The following USH2A variants were observed in gnomAD, a reference collection of about 807,000 sequenced individuals.
USH2A encodes the protein Usher syndrome 2A (autosomal recessive, mild).
A neutral mutation model predicts 538.9 loss-of-function variants in USH2A; 443 were observed. That is an observed-to-expected ratio of 0.82 (90% CI 0.76 to 0.89). The LOEUF is 0.89. Ranked by LOEUF, USH2A falls within the 40% of genes least tolerant of loss-of-function variation. USH2A has a pLI of 0.00. For missense variants in USH2A, 6,633 were observed against 6,324.8 expected, an observed-to-expected ratio of 1.05 and a Z score of -1.65; for synonymous variants, 2,413 against 2,273.5, an observed-to-expected ratio of 1.06 and a Z score of -1.75.
intron 14 of USH2A, among the ~76,000 whole-genome samples, chr1:216,222,530 T>C (rs2035476361): frequency 6.6e-6 from 1 of 152,182 alleles, no homozygotes; most frequent in South Asian, 2.1e-4. Flanking sequence ...ATGGGGAGAT[T>C]ATCCTGGATT....
chr1:216,115,029 T>C (rs1274454375), intron 21 of USH2A, among the ~76,000 whole-genome samples: 1 of 152,182 alleles, frequency 6.6e-6, no homozygotes, highest in Admixed American at 6.5e-5. Context: ...TCTATCTATG[T>C]AGATATAGGC....
intron 22 of USH2A, among the ~76,000 whole-genome samples, chr1:216,090,079 AC>A (rs2032259188): frequency 6.6e-6 from 1 of 152,062 alleles, no homozygotes. Flanking sequence ...GATTTACTTA[AC>A]AAGAATAAAG....
Position 216,120,327 on chromosome 1 carries a change from G to T in USH2A, c.4628-23114C>A, listed in dbSNP as rs528571467. Among the ~76,000 whole-genome samples, 24 of 151,006 alleles carry T rather than the reference G, an allele frequency of 1.6e-4. No homozygotes were observed. In the East Asian group the frequency reaches 4.6e-3, roughly 29 times the overall value. On this transcript the variant is annotated intron_variant, in intron 21 of 71. Coordinates refer to ENST00000307340, the MANE Select transcript of USH2A (RefSeq NM_206933.4). ...AGGTGGATGGATCATCTGAGGTCAG[G>T]AGATTGAGGCCAGCCTGGCCAACAC...
At chr1:216,223,673 C>T (rs2035504426) in intron 14 of USH2A, among the ~76,000 whole-genome samples, 1 of 152,170 alleles carries the variant, frequency 6.6e-6, no homozygotes, top group South Asian at 2.1e-4. Flanking sequence ...GGCCCATTTA[C>T]CCTGTCACCC....
intron 55 of USH2A, among the ~76,000 whole-genome samples, chr1:215,771,865 T>C (rs1661301797): frequency 6.6e-6 from 1 of 152,092 alleles, no homozygotes; most frequent in African/African-American, 2.4e-5. Flanking sequence ...GGCCTACAGA[T>C]TAATTTAAGG....
At chr1:215,678,713 GACAC>G (rs150396890) in intron 62 of USH2A, among the ~76,000 whole-genome samples, 5 of 149,706 alleles carry the variant, frequency 3.3e-5, no homozygotes, top group Non-Finnish European at 5.9e-5. Flanking sequence ...TATTCACACA[GACAC>G]ACACACACAC....
intron 42 of USH2A, 56 bp downstream of exon 42, chr1:215,878,708 C>T: frequency 6.4e-7 from 1 of 1,566,702 alleles, no homozygotes; most frequent in Non-Finnish European, 8.7e-7. Context: ...CATTTCCCTA[C>T]TTCTCAGAGA....
At chr1:215,864,445 A>G (rs1664417672) in intron 44 of USH2A, among the ~76,000 whole-genome samples, 2 of 152,176 alleles carry the variant, frequency 1.3e-5, no homozygotes, top group Admixed American at 1.3e-4. Context: ...TATCATATAA[A>G]GCAGGGATAA....
intron 21 of USH2A, among the ~76,000 whole-genome samples, chr1:216,148,047 C>G (rs1022703237): frequency 6.6e-6 from 1 of 150,582 alleles, no homozygotes; most frequent in Non-Finnish European, 1.5e-5. Context: ...TCGGAAGCCC[C>G]CTAGACCATC....
At chr1:216,055,996 T>C (rs1177445300) in intron 30 of USH2A, among the ~76,000 whole-genome samples, 1 of 152,236 alleles carries the variant, frequency 6.6e-6, no homozygotes, top group Non-Finnish European at 1.5e-5. Context: ...AAAAACATTA[T>C]TCTTTATTTC....
intron 47 of USH2A, among the ~76,000 whole-genome samples, chr1:215,835,538 C>T (rs1663453548): frequency 6.6e-6 from 1 of 152,122 alleles, no homozygotes; most frequent in African/African-American, 2.4e-5. Flanking sequence ...GTCTAATCTC[C>T]TGGTCGGTGG....
chr1:216,386,604 T>C (rs945866683), intron 3 of USH2A, among the ~76,000 whole-genome samples: 5 of 146,958 alleles, frequency 3.4e-5, no homozygotes, highest in Non-Finnish European at 7.5e-5. Context: ...TCTCAGCACT[T>C]TGGGACTTTG....
intron 58 of USH2A, among the ~76,000 whole-genome samples, chr1:215,753,426 G>T (rs1660684213): frequency 6.6e-6 from 1 of 152,144 alleles, no homozygotes; most frequent in Admixed American, 6.5e-5. Context: ...GTCCAACAAT[G>T]ATAGACAGGA....
chr1:216,134,616 G>T (rs943753043), intron 21 of USH2A, among the ~76,000 whole-genome samples: 2 of 152,090 alleles, frequency 1.3e-5, no homozygotes, highest in Non-Finnish European at 2.9e-5. Flanking sequence ...AGAGAAAAAT[G>T]CTAGATAGAA....
chr1:215,642,260 A>G (rs150688583), intron 67 of USH2A, among the ~76,000 whole-genome samples: 88 of 152,334 alleles, frequency 5.8e-4, no homozygotes, highest in African/African-American at 1.8e-3. Context: ...TTAATCCTCA[A>G]AATAATCCTG....
intron 58 of USH2A, among the ~76,000 whole-genome samples, chr1:215,748,289 G>A (rs1660538259): frequency 1.3e-5 from 2 of 152,094 alleles, no homozygotes; most frequent in Non-Finnish European, 1.5e-5. Context: ...AAGAATTGCC[G>A]GGACCTTGAA....
intron 11 of USH2A, among the ~76,000 whole-genome samples, chr1:216,277,083 A>AGGAT (rs1241219207): frequency 6.6e-6 from 1 of 152,170 alleles, no homozygotes; most frequent in Admixed American, 6.6e-5. Context: ...TCCTTTAATC[A>AGGAT]TAACTCCAGG....
intron 30 of USH2A, among the ~76,000 whole-genome samples, chr1:216,050,535 A>T (rs1462776276): frequency 7.2e-6 from 1 of 138,618 alleles, no homozygotes; most frequent in African/African-American, 2.6e-5. Flanking sequence ...TTCTGCCTCT[A>T]CATGCTACTA....
intron 2 of USH2A, among the ~76,000 whole-genome samples, chr1:216,420,029 T>C (rs2039648315): frequency 6.6e-6 from 1 of 152,176 alleles, no homozygotes; most frequent in Non-Finnish European, 1.5e-5. Flanking sequence ...AAAGGTTTTA[T>C]ATAAGTAGAA....
Sources: allele counts gnomAD v4.1 joint callset (sites outside exome capture counted in the v4.1 genomes callset), GRCh38; gene constraint gnomAD v4.1.1; transcripts MANE v1.5; gene names NCBI Gene and HGNC (gene_info 2026-07-23, HGNC 2026-07-21).